MYO16: variants seen among roughly 807,000 people sequenced by gnomAD.
MYO16 encodes myosin XVI.
A neutral mutation model predicts 205.3 loss-of-function variants in MYO16; 94 were observed. The observed-to-expected ratio is 0.46, with a 90% confidence interval of 0.39 to 0.54. The LOEUF is 0.54. Among genes scored for constraint, MYO16 ranks in the 20% least tolerant of loss-of-function variants. The pLI is 0.00. For synonymous variants in MYO16, 988 were observed against 954.0 expected (o/e 1.04, Z -0.66); for missense variants, 2,315 against 2,387.5 (o/e 0.97, Z 0.63).
rs28664189 is a variant in MYO16 at position 109,141,030 on chromosome 13, C to G, written c.4818C>G (p.Pro1606=). The change falls in exon 32 of 35, where the codon CCC becomes CCG. Residue 1606 remains proline (P), a synonymous_variant. Transcript: ENST00000457511. The surrounding 1 kb of genome is among the most constrained non-coding windows in gnomAD (Gnocchi z 4.1). ...CCCCGCCCCCGCCCGGGCCGCCCCC[C>G]GCGCCCTACAGGCCCTGCGCGCACT... ...PPPPPPPGPP[P]APYRPCAHLA... 850 of 1,330,504 alleles carry G rather than the reference C, an allele frequency of 6.4e-4. 2 individuals are homozygous for G. Among genetic ancestry groups the G allele is most frequent in the Non-Finnish European group, 7.9e-4 (826 of 1,044,244 alleles). 82.4% of individuals were successfully genotyped at this position (1,330,504 alleles called of 1,614,324 possible).
intron 2 of MYO16, among the ~76,000 whole-genome samples, chr13:108,685,243 G>C (rs750031910): frequency 6.6e-6 from 1 of 151,968 alleles, no homozygotes. Flanking sequence ...GGATGGTTTC[G>C]ATCTCTTGAC....
rs553490438 is a variant in MYO16, at chr13:108,908,443, T to G, written c.1778-1560T>G. 5.3e-5 allele frequency among the ~76,000 whole-genome samples: 8 copies of G among 152,354 alleles called. No homozygotes were observed. The South Asian group carries it at 1.2e-3, about 24-fold the overall frequency. On this transcript the variant is annotated intron_variant, in intron 15 of 34. Transcript: ENST00000457511. ...GTGGTTCTAGTTGTTAGAACAGATT[T>G]GCTGTAGACAATTAAATTGGGAGAC...
intron 7 of MYO16, among the ~76,000 whole-genome samples, chr13:108,807,619 C>T (rs1887154588): frequency 1.3e-5 from 2 of 152,070 alleles, no homozygotes; most frequent in African/African-American, 4.8e-5. Flanking sequence ...GTGTCAGTTT[C>T]TTCGAGGCTA....
chr13:109,037,248 G>A (rs1182677718), intron 23 of MYO16, among the ~76,000 whole-genome samples: 1 of 152,184 alleles, frequency 6.6e-6, no homozygotes, highest in Non-Finnish European at 1.5e-5. Flanking sequence ...TCTTCTCTAT[G>A]CGAAGTTATT....
chr13:109,141,465 A>G lies in MYO16; in HGVS notation c.5164+89A>G, dbSNP rs530245740. 502 of 940,012 alleles carry G rather than the reference A, an allele frequency of 5.3e-4. No individual in the cohort carries two copies. The highest frequency in any genetic ancestry group is 1.6e-3 in the Middle Eastern group (7 of 4,492). 58.2% of individuals were successfully genotyped at this position (940,012 alleles called of 1,614,324 possible). A position where few individuals can be genotyped will look rare whatever the true frequency, so the allele number is the denominator to read the frequency against. ...ACATCCGTGTCTGCGCAGATGTGAA[A>G]TAGTAAAGTTTCAGGTGATGGCCGT... On this transcript the variant is annotated intron_variant, in intron 32 of 34. Transcript: ENST00000457511. This position sits in a 1 kb window ranked among gnomAD's most constrained non-coding sequence, Gnocchi z 4.1.
At chr13:108,786,829 A>G (rs1886471663) in intron 5 of MYO16, among the ~76,000 whole-genome samples, 1 of 152,196 alleles carries the variant, frequency 6.6e-6, no homozygotes, top group African/African-American at 2.4e-5. Flanking sequence ...TTAGCAGTGC[A>G]TTCAGTTGAC....
chr13:108,663,575 A>G (rs942259675), intron 1 of MYO16, among the ~76,000 whole-genome samples: 4 of 152,208 alleles, frequency 2.6e-5, no homozygotes. Context: ...TGAGTTTTCC[A>G]AATCATAAAG....
At chr13:108,979,768 AC>A (rs1399528714) in intron 20 of MYO16, among the ~76,000 whole-genome samples, 2 of 152,080 alleles carry the variant, frequency 1.3e-5, no homozygotes, top group East Asian at 1.9e-4. Context: ...ACTTTGTGAG[AC>A]CATTTTTATT....
the MYO16 span, among the ~76,000 whole-genome samples, chr13:108,527,786 ACT>A: frequency 6.6e-6 from 1 of 151,970 alleles, no homozygotes; most frequent in Admixed American, 6.6e-5. Flanking sequence ...TTCAGTAATA[ACT>A]CTGTTTGTTT....
chr13:108,758,439 G>T (rs192031237), intron 4 of MYO16, among the ~76,000 whole-genome samples: 1 of 152,086 alleles, frequency 6.6e-6, no homozygotes, highest in Non-Finnish European at 1.5e-5. Flanking sequence ...AGAGATCACT[G>T]TTATCAGGAC....
Position 108,785,706 on chromosome 13 carries a change from A to G in MYO16, c.579A>G (p.Glu193=). 1.2e-6 allele frequency: 2 copies of G among 1,612,946 alleles called. No individual in the cohort carries two copies. The highest frequency in any genetic ancestry group is 1.3e-5 in the African/African-American group (1 of 75,018). Reference sequence around the variant, plus strand: ...TAGATTATGCTGTAGAAGGGACAGAATCCAGCTCTATCCTGTTGACCTATC... The same window carrying G: ...TAGATTATGCTGTAGAAGGGACAGAGTCCAGCTCTATCCTGTTGACCTATC... ...IPLDYAVEGT[E]SSSILLTYLD... Residue 193 remains glutamate, a synonymous_variant, in exon 5 of 35, where the codon GAA becomes GAG. Coordinates refer to ENST00000457511, the MANE Select transcript of MYO16 (RefSeq NM_001198950.3).
chr13:108,919,141 C>T (rs915283969), intron 16 of MYO16, among the ~76,000 whole-genome samples: 2 of 152,118 alleles, frequency 1.3e-5, no homozygotes, highest in Non-Finnish European at 2.9e-5. Flanking sequence ...GGCCGTCTTC[C>T]CAGTCATGTG....
the MYO16 span, among the ~76,000 whole-genome samples, chr13:108,505,425 A>G: frequency 6.6e-6 from 1 of 152,176 alleles, no homozygotes; most frequent in African/African-American, 2.4e-5. Context: ...CTGATGATTA[A>G]TGATGTCAAG....
intron 21 of MYO16, among the ~76,000 whole-genome samples, chr13:109,005,069 T>G (rs943065120): frequency 6.6e-6 from 1 of 152,176 alleles, no homozygotes; most frequent in African/African-American, 2.4e-5. Flanking sequence ...AAAGTTCTAG[T>G]TACTTACTGT....
In MYO16 at chr13:108,896,162, C is replaced by G. The variant is rs903255150; in HGVS notation, c.1660-1854C>G. ...TTTTCCAAGAATAATCAAAACATTA[C>G]TTATCAGACACAACACCAGAATAAC... is the stretch of plus-strand genomic sequence containing the variant. On this transcript the variant is annotated intron_variant, in intron 14 of 34. Transcript: ENST00000457511. Among the ~76,000 whole-genome samples, 3 of 152,070 alleles carry G rather than the reference C, an allele frequency of 2.0e-5. No individual in the cohort carries two copies. In the East Asian group the frequency reaches 5.8e-4, roughly 29 times the overall value.
chr13:109,122,210 G>T (rs1229290519), intron 29 of MYO16, among the ~76,000 whole-genome samples: 2 of 152,130 alleles, frequency 1.3e-5, no homozygotes, highest in Non-Finnish European at 2.9e-5. Context: ...ACAGAACAGG[G>T]TATCACAAAT....
intron 15 of MYO16, among the ~76,000 whole-genome samples, chr13:108,898,343 G>GTTGTGTGAGT (rs1880531022): frequency 1.5e-5 from 1 of 67,394 alleles, no homozygotes; most frequent in African/African-American, 5.4e-5. Context: ...CTCAGTTGAG[G>GTTGTGTGAGT]GTGTGTGAGT....
At chr13:109,058,116 A>T (rs1887472282) in intron 27 of MYO16, among the ~76,000 whole-genome samples, 1 of 152,154 alleles carries the variant, frequency 6.6e-6, no homozygotes, top group Non-Finnish European at 1.5e-5. Flanking sequence ...GCATTTTTAA[A>T]AAGTTTCCAG....
At chr13:108,973,577 G>T (rs189842049) in intron 20 of MYO16, among the ~76,000 whole-genome samples, 1 of 152,098 alleles carries the variant, frequency 6.6e-6, no homozygotes, top group African/African-American at 2.4e-5. Context: ...CCCCAAGTCC[G>T]ACTGAGGTGA....
Sources: gnomAD v4.1 joint callset for allele counts (sites outside exome capture counted in the v4.1 genomes callset) on GRCh38, gnomAD v4.1.1 for gene constraint, Gnocchi (gnomAD v3.1) non-coding constraint, MANE v1.5 for transcripts, NCBI Gene and HGNC (gene_info 2026-07-23, HGNC 2026-07-21) for gene names.